Variants in DST observed in about 807,000 individuals in gnomAD.
The protein encoded by DST is bullous pemphigoid antigen.
Under a neutral mutation model 875.2 loss-of-function variants are expected in DST, and 253 were observed. The observed-to-expected ratio is 0.29, with a 90% CI of 0.26 to 0.32. DST has a LOEUF of 0.32. Ranked by LOEUF, DST falls within the 10% of genes least tolerant of loss-of-function variation. The pLI, the probability that DST is intolerant of heterozygous loss-of-function variation, is 1.00. For missense variants in DST, 8,287 were observed against 9,111.6 expected (o/e 0.91, Z 3.68); for synonymous variants, 3,124 against 3,197.1 (o/e 0.98, Z 0.77).
At chr6:56,722,738 T>A (rs2099427366) in intron 5 of DST, among the ~76,000 whole-genome samples, 8 of 152,192 alleles carry the variant, frequency 5.3e-5, no homozygotes, top group Admixed American at 5.2e-4. Context: ...ACTACAGGAA[T>A]TATCCTACAT....
At chr6:56,906,664 C>T (rs537698910) in intron 2 of DST, among the ~76,000 whole-genome samples, 67 of 152,132 alleles carry the variant, frequency 4.4e-4, no homozygotes, top group Non-Finnish European at 7.1e-4. Context: ...GGGGCATCCA[C>T]TGCCTGCCAG....
At chr6:56,644,945 A>G (rs57289287) in intron 15 of DST, among the ~76,000 whole-genome samples, 24,179 of 152,206 alleles carry the variant, frequency 0.16, 4,729 homozygotes, top group African/African-American at 0.47. Flanking sequence ...TTCTCATGGT[A>G]ATGAATAAGT....
At chr6:56,836,777 G>A (rs1224253331) in intron 4 of DST, among the ~76,000 whole-genome samples, 2 of 149,976 alleles carry the variant, frequency 1.3e-5, no homozygotes, top group Non-Finnish European at 3.0e-5. Flanking sequence ...CGTGAACCCG[G>A]GAGGCGGAGC....
chr6:56,482,527 T>G (rs1318974492), intron 89 of DST, 156 bp downstream of exon 89: 7 of 674,802 alleles, frequency 1.0e-5, no homozygotes, highest in Middle Eastern at 4.2e-4. Context: ...TGAGGGAGGG[T>G]GGGAGAAGGA....
intron 4 of DST, among the ~76,000 whole-genome samples, chr6:56,823,485 A>G (rs2153050137): frequency 6.6e-6 from 1 of 152,152 alleles, no homozygotes; most frequent in East Asian, 1.9e-4. Flanking sequence ...ATCTCAGCTC[A>G]CTGCAATCTC....
intron 3 of DST, among the ~76,000 whole-genome samples, chr6:56,879,716 T>C (rs923190055): frequency 1.3e-5 from 2 of 152,196 alleles, no homozygotes; most frequent in Non-Finnish European, 2.9e-5. Context: ...AATAGATTAA[T>C]CCACACAATA....
intron 64 of DST, among the ~76,000 whole-genome samples, chr6:56,531,834 C>T (rs1370259918): frequency 6.6e-6 from 1 of 152,072 alleles, no homozygotes; most frequent in African/African-American, 2.4e-5. Context: ...ACCCTTCCAC[C>T]TTCTTTGTTT....
chr6:56,722,394 TTATTTTTG>T (rs2099422434), intron 5 of DST, among the ~76,000 whole-genome samples: 4 of 146,684 alleles, frequency 2.7e-5, no homozygotes, highest in Admixed American at 2.2e-4. Context: ...ATTTATTTAT[TTATTTTTG>T]AGACGAAGTC....
chr6:56,852,314 T>G (rs1765676273), intron 3 of DST, among the ~76,000 whole-genome samples: 1 of 152,068 alleles, frequency 6.6e-6, no homozygotes, highest in Non-Finnish European at 1.5e-5. Context: ...CGGTTTAGAG[T>G]TCTCAAGATA....
intron 2 of DST, among the ~76,000 whole-genome samples, chr6:56,918,626 TG>T (rs1156902329): frequency 1.3e-5 from 2 of 152,222 alleles, no homozygotes; most frequent in African/African-American, 2.4e-5. Context: ...GTACCAACTT[TG>T]TCTCTAAAAA....
At chr6:56,627,902 G>A in intron 33 of DST, 97 bp downstream of exon 33, 5 of 1,173,406 alleles carry the variant, frequency 4.3e-6, no homozygotes, top group Non-Finnish European at 6.4e-6. Flanking sequence ...CCTCTAAAGA[G>A]TTGGTGACTT....
intron 36 of DST, among the ~76,000 whole-genome samples, chr6:56,623,051 G>GT (rs972965381): frequency 2.7e-4 from 41 of 152,108 alleles, no homozygotes; most frequent in African/African-American, 8.0e-4. Context: ...TTAAGTGGTA[G>GT]TTTTTTTTAA....
chr6:56,552,164 A>G lies in DST; in HGVS notation c.16608+20T>C. On this transcript the variant is annotated intron_variant, in intron 61 of 103. Coordinates refer to ENST00000680361, the MANE Select transcript of DST (RefSeq NM_001374736.1). ...TTCATTGACAATAAAAACACTGGGT[A>G]AAAATGAAGAGTTCCCTACCTTGAA... is the stretch of plus-strand genomic sequence containing the variant. 6.4e-7 allele frequency: 1 copy of G among 1,557,416 alleles called. No individual in the cohort carries two copies. The highest frequency in any genetic ancestry group is 1.2e-5 in the South Asian group (1 of 80,196).
At chr6:56,898,419 G>C (rs1254298934) in intron 3 of DST, among the ~76,000 whole-genome samples, 1 of 152,202 alleles carries the variant, frequency 6.6e-6, no homozygotes, top group Non-Finnish European at 1.5e-5. Flanking sequence ...GCTTGTGAGA[G>C]AATAATGATG....
intron 45 of DST, among the ~76,000 whole-genome samples, chr6:56,599,854 T>C (rs2098427097): frequency 1.3e-5 from 2 of 152,040 alleles, no homozygotes; most frequent in Non-Finnish European, 2.9e-5. Flanking sequence ...CAATATCTCT[T>C]ACCAAAAAAA....
chr6:56,519,533 C>T (rs1248729045), intron 69 of DST, among the ~76,000 whole-genome samples: 2 of 152,074 alleles, frequency 1.3e-5, no homozygotes, highest in Non-Finnish European at 2.9e-5. Flanking sequence ...ACGAACTGCC[C>T]CTCCCTCCAC....
At chr6:56,725,040 C>T (rs1382774672) in intron 5 of DST, among the ~76,000 whole-genome samples, 6 of 152,178 alleles carry the variant, frequency 3.9e-5, no homozygotes, top group African/African-American at 1.4e-4. Flanking sequence ...TGGAATATAA[C>T]CCAAATAAGA....
At chr6:56,601,831 C>A (rs1314916921) in intron 43 of DST, among the ~76,000 whole-genome samples, 155 bp from the exon 44 acceptor site, 1 of 151,654 alleles carries the variant, frequency 6.6e-6, no homozygotes, top group Non-Finnish European at 1.5e-5. Flanking sequence ...TATTTATCAT[C>A]TAGTAATAAA....
At chr6:56,842,557 A>T (rs1322146102) in intron 4 of DST, among the ~76,000 whole-genome samples, 1 of 152,194 alleles carries the variant, frequency 6.6e-6, no homozygotes, top group Non-Finnish European at 1.5e-5. Context: ...CACGCTATAA[A>T]ATAATTTTTA....
Sources: gnomAD v4.1 joint callset for allele counts (sites outside exome capture counted in the v4.1 genomes callset) on GRCh38, gnomAD v4.1.1 for gene constraint, MANE v1.5 for transcripts, NCBI Gene and HGNC (gene_info 2026-07-23, HGNC 2026-07-21) for gene names.